The following CAMSAP1 variants were observed in gnomAD, a reference collection of about 807,000 sequenced individuals.
The protein encoded by CAMSAP1 is calmodulin-regulated spectrin-associated protein 1.
Under a neutral mutation model 143.5 loss-of-function variants are expected in CAMSAP1, and 58 were observed. That is an observed-to-expected ratio of 0.40 (90% CI 0.33 to 0.50). The LOEUF (loss-of-function observed/expected upper bound fraction) is 0.50. CAMSAP1 is among the 20% of genes least tolerant of loss of function. CAMSAP1 has a pLI of 0.45. For synonymous variants in CAMSAP1, 945 were observed against 859.3 expected (o/e 1.10, Z -1.74); for missense variants, 1,969 against 2,115.7 (o/e 0.93, Z 1.36).
chr9:135,810,842 T>A lies in CAMSAP1; in HGVS notation c.*467A>T, dbSNP rs775445792. ...ACATTCAAACACCCCAAGCCAAGAT[T>A]GAGCCTCAGTCCCATAGTCACGAGA... On this transcript the variant is annotated 3_prime_UTR_variant, in exon 17 of 17. Coordinates refer to ENST00000389532, the MANE Select transcript of CAMSAP1 (RefSeq NM_015447.4). The A allele has an allele frequency of 3.2e-4, 52 of 164,096 alleles. No homozygotes were observed. The highest frequency in any genetic ancestry group is 4.4e-4 in the Non-Finnish European group (33 of 74,632). 10.2% of individuals were successfully genotyped at this position (164,096 alleles called of 1,614,324 possible).
intron 4 of CAMSAP1, among the ~76,000 whole-genome samples, chr9:135,863,017 C>G (rs1475796269): frequency 6.6e-6 from 1 of 152,152 alleles, no homozygotes; most frequent in Non-Finnish European, 1.5e-5. Flanking sequence ...TCAGAAGACC[C>G]AAGTTACTGT....
Position 135,826,194 on chromosome 9 carries a change from G to GCTTCTTGTGCA in CAMSAP1, c.1223+1212_1223+1213insTGCACAAGAAG, listed in dbSNP as rs1554789548. ...CAGAGCAGCGTGTACACGGGCACCA[G>GCTTCTTGTGCA]CACACACACACACACACACACGGCT... On this transcript the variant is annotated intron_variant, in intron 8 of 16. Transcript: ENST00000389532. This position sits in a 1 kb window ranked among gnomAD's most constrained non-coding sequence, Gnocchi z 4.4. 4,465 of 113,634 alleles carry GCTTCTTGTGCA rather than the reference G, an allele frequency of 0.039. 86 individuals are homozygous for GCTTCTTGTGCA. The highest frequency in any genetic ancestry group is 0.064 in the Non-Finnish European group (3,373 of 53,082). 7.0% of individuals were successfully genotyped at this position (113,634 alleles called of 1,614,324 possible).
chr9:135,836,752 T>C (rs1836065268), intron 7 of CAMSAP1: 3 of 976,458 alleles, frequency 3.1e-6, no homozygotes, highest in Middle Eastern at 1.1e-3. Flanking sequence ...CAGCCACACA[T>C]TGTCACGTAC....
chr9:135,857,298 C>T (rs571841187), intron 5 of CAMSAP1, among the ~76,000 whole-genome samples: 14 of 152,222 alleles, frequency 9.2e-5, no homozygotes, highest in Admixed American at 7.8e-4. Context: ...TCCCTTATTT[C>T]CCATCTCTTT....
At chr9:135,901,684 A>G (rs1157991867) in intron 1 of CAMSAP1, among the ~76,000 whole-genome samples, 1 of 152,144 alleles carries the variant, frequency 6.6e-6, no homozygotes, top group East Asian at 1.9e-4. Flanking sequence ...CTCAGGTAGA[A>G]CACCTGTCTA....
chr9:135,818,443 G>C lies in CAMSAP1; in HGVS notation c.4133C>G (p.Ser1378Trp), dbSNP rs764373953. The C allele has an allele frequency of 2.5e-6, 4 of 1,598,052 alleles. No individual in the cohort carries two copies. In the South Asian group the frequency reaches 3.4e-5, roughly 13 times the overall value. Residue 1378 changes from serine to tryptophan, a missense_variant, in exon 13 of 17, where the codon TCG becomes TGG. By Grantham distance (177) the Ser-to-Trp change is radical (BLOSUM62 -3). Transcript: ENST00000389532. The surrounding 1 kb of genome is among the most constrained non-coding windows in gnomAD (Gnocchi z 7.7). Reference sequence around the variant, plus strand: ...GCACTTGGTGCCGGAGTCGCTGCACGACTCTTCCCGGTGCACCGACTTCGG... The same window carrying C: ...GCACTTGGTGCCGGAGTCGCTGCACCACTCTTCCCGGTGCACCGACTTCGG... ...PRPKSVHREE[S>W]CSDSGTKCSS...
In CAMSAP1 at chr9:135,821,866, G is replaced by A. The variant is rs200030533; in HGVS notation, c.2795C>T (p.Pro932Leu). 40 of 1,613,886 alleles carry A rather than the reference G, an allele frequency of 2.5e-5. No homozygotes were observed. Among genetic ancestry groups the A allele is most frequent in the Non-Finnish European group, 3.0e-5 (35 of 1,179,882 alleles). ...GKAEAAPPLR[P>L]EHFAKEYSQH... ...AGAGTACTCCTTTGCAAAGTGCTCC[G>A]GCCTGAGGGGTGGGGCAGCCTCGGC... The change falls in exon 11 of 17, where the codon CCG becomes CTG. Residue 932 changes from proline (P) to leucine (L), a missense_variant. Physicochemically the swap from Pro to Leu is moderately conservative, Grantham distance 98 (BLOSUM62 -3). Coordinates refer to ENST00000389532, the MANE Select transcript of CAMSAP1 (RefSeq NM_015447.4). This position sits in a 1 kb window ranked among gnomAD's most constrained non-coding sequence, Gnocchi z 4.6.
At chr9:135,892,864 A>AAAAAAAAAAAAAAAAAAAAAAAAAAC (rs1838329149) in intron 1 of CAMSAP1, among the ~76,000 whole-genome samples, 2 of 144,296 alleles carry the variant, frequency 1.4e-5, no homozygotes, top group Non-Finnish European at 3.0e-5. Context: ...AAAAAAAAAA[A>AAAAAAAAAAAAAAAAAAAAAAAAAAC]AAAGAACTAA....
At chr9:135,865,370 CAGG>C in intron 4 of CAMSAP1, 3 of 1,550,710 alleles carry the variant, frequency 1.9e-6, no homozygotes, top group Non-Finnish European at 2.6e-6. Flanking sequence ...GGAGACTGCT[CAGG>C]AAGCGAGAGA....
At chr9:135,899,681 T>A (rs894592564) in intron 1 of CAMSAP1, among the ~76,000 whole-genome samples, 26 of 152,280 alleles carry the variant, frequency 1.7e-4, no homozygotes, top group Non-Finnish European at 3.1e-4. Context: ...ACTACCCCCA[T>A]GAGGCCACCA....
At chr9:135,834,005 T>C (rs1055758197) in intron 7 of CAMSAP1, among the ~76,000 whole-genome samples, 4 of 152,160 alleles carry the variant, frequency 2.6e-5, no homozygotes, top group Admixed American at 1.3e-4. Flanking sequence ...AGGTCTTAAA[T>C]AGGCATTTTT....
rs542598586 is a variant in CAMSAP1 at position 135,811,072 on chromosome 9, C to T, written c.*237G>A. The T allele has an allele frequency of 1.1e-4, 63 of 560,014 alleles. 1 individual carries two copies. Among genetic ancestry groups the T allele is most frequent in the South Asian group, 1.1e-3 (53 of 47,328 alleles). 34.7% of individuals were successfully genotyped at this position (560,014 alleles called of 1,614,324 possible). ...ACAGCAGTGCGAGCCACTGCAAAAGCGGCATCTACTCCCCCATCCTCACCC... is the reference window on the plus strand; with the variant it reads ...ACAGCAGTGCGAGCCACTGCAAAAGTGGCATCTACTCCCCCATCCTCACCC... On this transcript the variant is annotated 3_prime_UTR_variant, in exon 17 of 17. Transcript: ENST00000389532. This position sits in a 1 kb window ranked among gnomAD's most constrained non-coding sequence, Gnocchi z 4.9.
chr9:135,814,974 T>A, intron 16 of CAMSAP1, 123 bp downstream of exon 16: 1 of 738,180 alleles, frequency 1.4e-6, no homozygotes, highest in Non-Finnish European at 2.2e-6. Flanking sequence ...TTCCTTGAAA[T>A]CTGCATTCTC....
At chr9:135,812,829 CGTG>C (rs1302438370) in intron 16 of CAMSAP1, among the ~76,000 whole-genome samples, 4 of 152,064 alleles carry the variant, frequency 2.6e-5, no homozygotes, top group Admixed American at 1.3e-4. Flanking sequence ...ATTAGCCAGG[CGTG>C]GTGGCACATG....
At chr9:135,875,581 A>G (rs1239556625) in intron 3 of CAMSAP1, among the ~76,000 whole-genome samples, 1 of 152,248 alleles carries the variant, frequency 6.6e-6, no homozygotes, top group African/African-American at 2.4e-5. Context: ...AAGTATTCCT[A>G]TAAACCAGAC....
rs4842041 is a variant in CAMSAP1, at chr9:135,903,617, C to T, written c.160+3383G>A. Among the ~76,000 whole-genome samples the T allele has an allele frequency of 2.9e-3, 440 of 152,372 alleles. 5 individuals are homozygous for T. Among genetic ancestry groups the T allele is most frequent in the Admixed American group, 0.02 (313 of 15,306 alleles). The stretch of plus-strand genomic sequence containing the variant: ...AAGACAGCAGCCAGCCCTGGAGTTT[C>T]AGCAGGCTTTCAATGCTTTCAATCT... On this transcript the variant is annotated intron_variant, in intron 1 of 16. Transcript: ENST00000389532.
chr9:135,821,525 C>G lies in CAMSAP1; in HGVS notation c.3136G>C (p.Glu1046Gln). The G allele has an allele frequency of 1.2e-6, 2 of 1,614,014 alleles. No homozygotes were observed. The highest frequency in any genetic ancestry group is 1.7e-6 in the Non-Finnish European group (2 of 1,179,894). ...GTGGGGGACTTCATCAGAAGCTGCT[C>G]TTGCTGCTGAGAGATTTTCAGGATG... ...QAILKISQQQEQLLMKSPTVP... is the reference protein window; with the variant it reads ...QAILKISQQQQQLLMKSPTVP... Residue 1046 changes from glutamate to glutamine, a missense_variant, in exon 11 of 17, where the codon GAG becomes CAG. This residue lies in a region of CAMSAP1 where 1,390 missense variants were observed against 1,420.8 expected (regional missense o/e 0.98). Coordinates refer to ENST00000389532, the MANE Select transcript of CAMSAP1 (RefSeq NM_015447.4). The surrounding 1 kb of genome is among the most constrained non-coding windows in gnomAD (Gnocchi z 4.6).
chr9:135,820,818 C>G lies in CAMSAP1; in HGVS notation c.3822+21G>C. ...GGCAACACATCACGAGTGCCTGAAACAGATGCTACCAATCCCTTACCTTGA... is the reference window on the plus strand; with the variant it reads ...GGCAACACATCACGAGTGCCTGAAAGAGATGCTACCAATCCCTTACCTTGA... On this transcript the variant is annotated intron_variant, in intron 11 of 16. Transcript: ENST00000389532. The surrounding 1 kb of genome is among the most constrained non-coding windows in gnomAD (Gnocchi z 4.4). The G allele has an allele frequency of 6.2e-7, 1 of 1,608,716 alleles. No individual in the cohort carries two copies. The highest frequency in any genetic ancestry group is 8.5e-7 in the Non-Finnish European group (1 of 1,178,570).
rs148806837 is a variant in CAMSAP1 at position 135,821,108 on chromosome 9, A to G, written c.3553T>C (p.Ser1185Pro). The G allele has an allele frequency of 3.1e-6, 5 of 1,613,788 alleles. No individual in the cohort carries two copies. Among genetic ancestry groups the G allele is most frequent in the Non-Finnish European group, 4.2e-6 (5 of 1,179,884 alleles). The change falls in exon 11 of 17, where the codon TCC (serine) becomes CCC (proline). Residue 1185 changes from serine (S) to proline (P), a missense_variant. Ser to Pro is a moderately conservative substitution (Grantham distance 74). This residue lies in a region of CAMSAP1 where 1,390 missense variants were observed against 1,420.8 expected (regional missense o/e 0.98). Coordinates refer to ENST00000389532, the MANE Select transcript of CAMSAP1 (RefSeq NM_015447.4). The surrounding 1 kb of genome is among the most constrained non-coding windows in gnomAD (Gnocchi z 4.6). ...SNQRTLTLSSSKDANILSEQM... is the reference protein window; with the variant it reads ...SNQRTLTLSSPKDANILSEQM... ...TCCGAAAGAATGTTGGCATCTTTGG[A>G]AGAGGACAGAGTAAGTGTCCGCTGA...
Sources: gnomAD v4.1 joint callset for allele counts (sites outside exome capture counted in the v4.1 genomes callset) on GRCh38, gnomAD v4.1.1 for gene constraint, gnomAD v4.1.1 regional missense constraint, Gnocchi (gnomAD v3.1) non-coding constraint, MANE v1.5 for transcripts, NCBI Gene and HGNC (gene_info 2026-07-23, HGNC 2026-07-21) for gene names.